APAF1: variants seen among roughly 807,000 people sequenced by gnomAD.
APAF1 encodes apoptotic protease-activating factor 1.
APAF1 carries 91 observed loss-of-function variants against 152.4 expected under a neutral mutation model. The observed-to-expected ratio is 0.60, with a 90% CI of 0.50 to 0.71. The LOEUF (loss-of-function observed/expected upper bound fraction) is 0.71, where lower values mean the gene tolerates loss of function less well. APAF1 is among the 30% of genes least tolerant of loss of function. APAF1 has a pLI of 0.00. For missense variants in APAF1, 1,283 were observed against 1,472.0 expected (o/e 0.87, Z 2.10); for synonymous variants, 484 against 494.1 (o/e 0.98, Z 0.27).
In APAF1 at chr12:98,706,601, G is replaced by A. The variant is rs2097721647; in HGVS notation, c.2712G>A (p.Gln904=). The stretch of plus-strand genomic sequence containing the variant: ...CATTTTTGACATCTTCTGATGACCA[G>A]ACAATCAGGGTGAGAAATATTGAGA... ...GSSFLTSSDD[Q]TIRLWETKKV... The change falls in exon 19 of 27, where the codon CAG becomes CAA. Residue 904 remains glutamine (Q), a synonymous_variant. Transcript: ENST00000551964. 6.2e-7 allele frequency: 1 copy of A among 1,613,944 alleles called. No individual in the cohort carries two copies. Among genetic ancestry groups the A allele is most frequent in the African/African-American group, 1.3e-5 (1 of 75,026 alleles).
intron 1 of APAF1, among the ~76,000 whole-genome samples, chr12:98,646,808 C>T (rs762188284): frequency 2.1e-4 from 32 of 152,180 alleles, no homozygotes; most frequent in Non-Finnish European, 2.5e-4. Flanking sequence ...AATAAAGTTG[C>T]TAGAAACGTC....
intron 4 of APAF1, 45 bp from the exon 5 acceptor site, chr12:98,659,115 A>C (rs764223272): frequency 6.5e-7 from 1 of 1,549,966 alleles, no homozygotes; most frequent in Non-Finnish European, 8.9e-7. Flanking sequence ...TTAAAGGAGT[A>C]CTCCTGTTGA....
chr12:98,731,059 T>G (rs1386024778), intron 26 of APAF1, among the ~76,000 whole-genome samples: 4 of 151,910 alleles, frequency 2.6e-5, no homozygotes, highest in Admixed American at 2.6e-4. Flanking sequence ...GTCAGGAGAG[T>G]GGGCTTTTGG....
intron 5 of APAF1, among the ~76,000 whole-genome samples, chr12:98,661,729 A>G (rs1244445678): frequency 6.6e-6 from 1 of 150,790 alleles, no homozygotes; most frequent in Admixed American, 6.6e-5. Flanking sequence ...CTGGCCTCCC[A>G]AAGTGCTGGG....
intron 26 of APAF1, 79 bp downstream of exon 26, chr12:98,727,395 C>A: frequency 6.5e-7 from 1 of 1,530,144 alleles, no homozygotes; most frequent in Non-Finnish European, 9.0e-7. Context: ...TCCTGTTTCT[C>A]AGTTGGGCCT....
chr12:98,715,529 A>T lies in APAF1; in HGVS notation c.3061A>T (p.Ser1021Cys). The change falls in exon 22 of 27, where the codon AGT becomes TGT. Residue 1021 changes from serine (S) to cysteine (C), a missense_variant. Physicochemically the swap from Ser to Cys is moderately radical, Grantham distance 112. Coordinates refer to ENST00000551964, the MANE Select transcript of APAF1 (RefSeq NM_181861.2). ...FTADEKTLIS[S>C]SDDAEIQVWN... is the part of the protein sequence containing the mutation. The stretch of plus-strand genomic sequence containing the variant: ...AGCCGATGAGAAGACTCTTATTTCA[A>T]GTTCTGATGATGCTGAAATTCAGGT... The T allele has an allele frequency of 6.2e-7, 1 of 1,613,694 alleles. No homozygotes were observed. The highest frequency in any genetic ancestry group is 8.5e-7 in the Non-Finnish European group (1 of 1,179,784).
Position 98,734,457 on chromosome 12 carries a change from A to G in APAF1, c.*1891A>G, listed in dbSNP as rs957720499. On this transcript the variant is annotated 3_prime_UTR_variant, in exon 27 of 27. Coordinates refer to ENST00000551964, the MANE Select transcript of APAF1 (RefSeq NM_181861.2). ...CAGAAAATATAATCAAAATTCAAAG[A>G]TTTTTTTTGTTTCTGTAACTGGAAC... The G allele has an allele frequency of 3.9e-5, 6 of 152,174 alleles. No homozygotes were observed. The highest frequency in any genetic ancestry group is 3.9e-4 in the Admixed American group (6 of 15,274). The allele number at this position is 152,174 out of a possible 1,614,324, so 9.4% of individuals were successfully genotyped here.
At chr12:98,728,329 C>T (rs1045416122) in intron 26 of APAF1, among the ~76,000 whole-genome samples, 3 of 152,166 alleles carry the variant, frequency 2.0e-5, no homozygotes, top group Non-Finnish European at 4.4e-5. Context: ...CGCTTCACTC[C>T]CCTCATCTTA....
intron 16 of APAF1, among the ~76,000 whole-genome samples, chr12:98,697,302 C>T (rs2097710999): frequency 6.6e-6 from 1 of 152,148 alleles, no homozygotes; most frequent in Non-Finnish European, 1.5e-5. Flanking sequence ...ATACCTTTTC[C>T]TTTCAAATGA....
At chr12:98,665,918 G>T in intron 8 of APAF1, 127 bp downstream of exon 8, 1 of 867,438 alleles carries the variant, frequency 1.2e-6, no homozygotes, top group Non-Finnish European at 1.9e-6. Context: ...TGGGGTGTTG[G>T]GTGTAGAAAT....
chr12:98,650,255 C>T (rs540673306), intron 4 of APAF1, among the ~76,000 whole-genome samples: 83 of 151,730 alleles, frequency 5.5e-4, no homozygotes, highest in African/African-American at 1.9e-3. Context: ...CCAGCTGAGG[C>T]GTGGATCACC....
At chr12:98,649,778 A>G in intron 4 of APAF1, 94 bp downstream of exon 4, 1 of 1,190,636 alleles carries the variant, frequency 8.4e-7, no homozygotes, top group Non-Finnish European at 1.2e-6. Flanking sequence ...AATGGTAGAA[A>G]CAAGTATAAG....
chr12:98,725,685 A>G, intron 25 of APAF1, 145 bp downstream of exon 25: 1 of 1,119,994 alleles, frequency 8.9e-7, no homozygotes. Flanking sequence ...TCTTGTGCAC[A>G]TTGTATTCAC....
chr12:98,732,336 A>G (rs1565901510), intron 26 of APAF1, 84 bp from the exon 27 acceptor site: 2 of 1,248,940 alleles, frequency 1.6e-6, no homozygotes, highest in Non-Finnish European at 2.3e-6. Context: ...GGGGGAGGAG[A>G]TAGGGTAAAG....
rs1209625204 is a variant in APAF1, at chr12:98,710,107, C to T, written c.2841+1403C>T. On this transcript the variant is annotated intron_variant, in intron 20 of 26. Coordinates refer to ENST00000551964, the MANE Select transcript of APAF1 (RefSeq NM_181861.2). ...CTGGCTGGTCTTGAACACCTGACCT[C>T]AAGTGATCCACCCACCTCGGCCTCC... Among the ~76,000 whole-genome samples the T allele has an allele frequency of 3.3e-5, 5 of 151,296 alleles. No individual in the cohort carries two copies. The East Asian group carries it at 7.8e-4, about 24-fold the overall frequency.
chr12:98,703,491 T>G lies in APAF1; in HGVS notation c.2587T>G (p.Cys863Gly), dbSNP rs1046589664. The change falls in exon 18 of 27, where the codon TGT (cysteine) becomes GGT (glycine). Residue 863 changes from cysteine (C) to glycine (G), a missense_variant. Coordinates refer to ENST00000551964, the MANE Select transcript of APAF1 (RefSeq NM_181861.2). ...HLAVVALSQY[C>G]VELWNTDSRS... Reference sequence around the variant, plus strand: ...GGCAGTGGTTGCTTTGTCCCAGTACTGTGTAGAGGTGAGTAGTTGAATTTA... The same window carrying G: ...GGCAGTGGTTGCTTTGTCCCAGTACGGTGTAGAGGTGAGTAGTTGAATTTA... 2 of 1,614,172 alleles carry G rather than the reference T, an allele frequency of 1.2e-6. No individual in the cohort carries two copies. The highest frequency in any genetic ancestry group is 4.5e-5 in the East Asian group (2 of 44,884).
At chr12:98,723,886 T>C in intron 24 of APAF1, 122 bp downstream of exon 24, 1 of 1,082,764 alleles carries the variant, frequency 9.2e-7, no homozygotes, top group Non-Finnish European at 1.4e-6. Flanking sequence ...TATTTTGTGA[T>C]CTTTTGGAGG....
intron 4 of APAF1, among the ~76,000 whole-genome samples, chr12:98,649,966 C>T (rs1465354937): frequency 2.6e-5 from 4 of 152,038 alleles, no homozygotes; most frequent in Non-Finnish European, 5.9e-5. Context: ...TGGGTGGTTA[C>T]TGGGGTGGGG....
At position 98,732,495 on chromosome 12, in the gene APAF1, T is replaced by C. The variant is rs2097763879; in HGVS notation, c.3676T>C (p.Ser1226Pro). ...AACCAATCTTAAGAAAATACACGTG[T>C]CCCCTGACTTCAAAACATATGTGAC... ...NGTNLKKIHV[S>P]PDFKTYVTVD... is the part of the protein sequence containing the mutation. The change falls in exon 27 of 27, where the codon TCC (serine) becomes CCC (proline). Residue 1226 changes from serine to proline, a missense_variant. By Grantham distance (74) the Ser-to-Pro change is moderately conservative. Transcript: ENST00000551964. The C allele has an allele frequency of 6.3e-7, 1 of 1,591,724 alleles. No homozygotes were observed. Among genetic ancestry groups the C allele is most frequent in the Admixed American group, 1.7e-5 (1 of 59,968 alleles).
Sources: gnomAD v4.1 joint callset for allele counts (sites outside exome capture counted in the v4.1 genomes callset) on GRCh38, gnomAD v4.1.1 for gene constraint, MANE v1.5 for transcripts, NCBI Gene and HGNC (gene_info 2026-07-23, HGNC 2026-07-21) for gene names.